ADGRV1: variants seen among roughly 807,000 people sequenced by gnomAD.
The protein encoded by ADGRV1 is adhesion G protein-coupled receptor V1, also known as G-protein coupled receptor 98.
In ADGRV1, 359 loss-of-function variants were observed where a neutral mutation model predicts 596.2. The observed-to-expected ratio is 0.60, with a 90% CI of 0.55 to 0.66. ADGRV1 has a LOEUF of 0.66. Ranked by LOEUF, ADGRV1 falls within the 30% of genes least tolerant of loss-of-function variation. The pLI is 0.00. For missense variants in ADGRV1, 7,274 were observed against 7,575.6 expected (o/e 0.96, Z 1.48); for synonymous variants, 2,681 against 2,679.2 (o/e 1.00, Z -0.02).
At chr5:90,596,363 A>G (rs1273512789) in intron 1 of ADGRV1, among the ~76,000 whole-genome samples, 1 of 150,454 alleles carries the variant, frequency 6.6e-6, no homozygotes, top group Admixed American at 6.6e-5. Flanking sequence ...CCAGGCAGAG[A>G]CGCTCCTCAC....
At chr5:91,027,167 A>ACACACACG (rs1784086543) in intron 85 of ADGRV1, among the ~76,000 whole-genome samples, 1 of 151,114 alleles carries the variant, frequency 6.6e-6, no homozygotes, top group Non-Finnish European at 1.5e-5. Flanking sequence ...ACACACACAC[A>ACACACACG]CACACACACA....
intron 86 of ADGRV1, among the ~76,000 whole-genome samples, chr5:91,093,584 T>C (rs766285622): frequency 2.6e-5 from 4 of 152,202 alleles, no homozygotes; most frequent in Non-Finnish European, 5.9e-5. Flanking sequence ...TTAGTGCACT[T>C]AATAACCTTG....
chr5:90,712,139 A>G (rs561802107), intron 41 of ADGRV1, 148 bp from the exon 42 acceptor site: 4 of 509,254 alleles, frequency 7.9e-6, no homozygotes, highest in Admixed American at 3.9e-5. Flanking sequence ...AAATAAAAAG[A>G]TATAAACCAA....
At chr5:90,707,007 A>G (rs1159517129) in intron 38 of ADGRV1, among the ~76,000 whole-genome samples, 1 of 151,974 alleles carries the variant, frequency 6.6e-6, no homozygotes, top group African/African-American at 2.4e-5. Flanking sequence ...GATGCCATAG[A>G]CCTAAGAGGT....
At chr5:90,621,403 G>A (rs986813274) in intron 4 of ADGRV1, among the ~76,000 whole-genome samples, 1 of 152,118 alleles carries the variant, frequency 6.6e-6, no homozygotes, top group Non-Finnish European at 1.5e-5. Context: ...TAGAAATTCG[G>A]TAACCTCCAT....
chr5:90,928,934 T>G (rs555010764), intron 83 of ADGRV1, among the ~76,000 whole-genome samples: 211 of 146,184 alleles, frequency 1.4e-3, no homozygotes, highest in African/African-American at 3.5e-3. Flanking sequence ...GCCTCCCAGT[T>G]AGGCTGCTCG....
chr5:90,815,088 G>C (rs2150248251), intron 74 of ADGRV1, among the ~76,000 whole-genome samples: 1 of 151,552 alleles, frequency 6.6e-6, no homozygotes, highest in East Asian at 1.9e-4. Context: ...TTTCTGTTTT[G>C]TTCTGGGGCA....
chr5:90,859,768 C>T (rs1179856720), intron 82 of ADGRV1, among the ~76,000 whole-genome samples: 1 of 151,892 alleles, frequency 6.6e-6, no homozygotes, highest in African/African-American at 2.4e-5. Context: ...TATACAAGTG[C>T]AAAGATGAAT....
chr5:91,088,148 A>C (rs934147654), intron 86 of ADGRV1, among the ~76,000 whole-genome samples: 2 of 152,354 alleles, frequency 1.3e-5, no homozygotes, highest in Admixed American at 1.3e-4. Context: ...TTGCATAGTT[A>C]CATAAAGCTC....
At chr5:90,902,589 G>A (rs1052606276) in intron 83 of ADGRV1, among the ~76,000 whole-genome samples, 11 of 152,068 alleles carry the variant, frequency 7.2e-5, no homozygotes, top group Non-Finnish European at 1.5e-4. Context: ...ATCTTTGATT[G>A]TTAGCACCTA....
intron 53 of ADGRV1, among the ~76,000 whole-genome samples, chr5:90,752,589 A>T (rs1755387705): frequency 6.6e-6 from 1 of 152,186 alleles, no homozygotes; most frequent in Non-Finnish European, 1.5e-5. Flanking sequence ...GCTAAGGATA[A>T]TGGCCTCCAG....
intron 85 of ADGRV1, among the ~76,000 whole-genome samples, chr5:90,987,503 C>T (rs138390423): frequency 3.3e-5 from 5 of 151,082 alleles, no homozygotes; most frequent in South Asian, 2.1e-4. Flanking sequence ...ATTAGATCAG[C>T]GTGTCTAACC....
Position 90,683,938 on chromosome 5 carries a change from G to A in ADGRV1, c.6017G>A (p.Gly2006Asp), listed in dbSNP as rs768201036. 1.3e-4 allele frequency: 213 copies of A among 1,613,752 alleles called. No individual in the cohort carries two copies. The highest frequency in any genetic ancestry group is 1.7e-4 in the Non-Finnish European group (201 of 1,179,812). The change falls in exon 28 of 90, where the codon GGC becomes GAC. Residue 2006 changes from glycine (G) to aspartate (D), a missense_variant. By Grantham distance (94) the Gly-to-Asp change is moderately conservative (BLOSUM62 -1). Transcript: ENST00000405460. Reference sequence around the variant, plus strand: ...ACACTATCAATAATAAGGTTGAAAGGCCTCATGGGAAAAGTCCTTGTCTCA... The same window carrying A: ...ACACTATCAATAATAAGGTTGAAAGACCTCATGGGAAAAGTCCTTGTCTCA... ...NITLSIIRLK[G>D]LMGKVLVSYA...
At chr5:91,146,414 T>C (rs1419099580) in intron 87 of ADGRV1, among the ~76,000 whole-genome samples, 1 of 152,218 alleles carries the variant, frequency 6.6e-6, no homozygotes, top group African/African-American at 2.4e-5. Flanking sequence ...AGCCCAGCAA[T>C]TGTCAAGAGT....
intron 87 of ADGRV1, among the ~76,000 whole-genome samples, chr5:91,130,969 A>G (rs1032568233): frequency 1.3e-5 from 2 of 152,264 alleles, no homozygotes; most frequent in Non-Finnish European, 2.9e-5. Flanking sequence ...TTATGGCTGC[A>G]TAGTATTCCG....
At chr5:90,778,794 C>T (rs576206074) in intron 63 of ADGRV1, 71 bp from the exon 64 acceptor site, 42 of 1,253,124 alleles carry the variant, frequency 3.4e-5, no homozygotes, top group East Asian at 1.2e-4. Flanking sequence ...GTAAATAGAA[C>T]GTTTAGTTAC....
At chr5:91,105,997 C>T (rs1791838266) in intron 87 of ADGRV1, among the ~76,000 whole-genome samples, 1 of 150,336 alleles carries the variant, frequency 6.7e-6, no homozygotes, top group Non-Finnish European at 1.5e-5. Flanking sequence ...ATTTAATATC[C>T]TTTTATATTT....
intron 1 of ADGRV1, among the ~76,000 whole-genome samples, chr5:90,606,328 TC>T (rs1458915146): frequency 3.3e-5 from 5 of 152,190 alleles, no homozygotes; most frequent in Non-Finnish European, 5.9e-5. Context: ...GGTGGGTTAA[TC>T]TATTTCTTTA....
intron 83 of ADGRV1, among the ~76,000 whole-genome samples, chr5:90,927,215 T>C (rs1196435708): frequency 6.6e-6 from 1 of 150,848 alleles, no homozygotes; most frequent in East Asian, 1.9e-4. Context: ...CGTTGATCTG[T>C]TTAATGTTGA....
Sources: allele counts gnomAD v4.1 joint callset (sites outside exome capture counted in the v4.1 genomes callset), GRCh38; gene constraint gnomAD v4.1.1; transcripts MANE v1.5; gene names NCBI Gene and HGNC (gene_info 2026-07-23, HGNC 2026-07-21).